The following POLQ variants were observed in gnomAD, a reference collection of about 807,000 sequenced individuals.
POLQ encodes epididymis secretory sperm binding protein.
In POLQ, 233 loss-of-function variants were observed where a neutral mutation model predicts 259.2. The observed-to-expected ratio is 0.90, with a 90% CI of 0.81 to 1.00. The LOEUF is 1.00. Among genes scored for constraint, POLQ ranks in the 50% least tolerant of loss-of-function variants. The pLI is 0.00. For missense variants in POLQ, 2,871 were observed against 3,051.6 expected (o/e 0.94, Z 1.39); for synonymous variants, 1,025 against 1,048.8 (o/e 0.98, Z 0.44).
At chr3:121,480,668 C>T (rs1381748477) in intron 19 of POLQ, among the ~76,000 whole-genome samples, 1 of 152,094 alleles carries the variant, frequency 6.6e-6, no homozygotes, top group Non-Finnish European at 1.5e-5. Flanking sequence ...CTTTCAAAAG[C>T]ACATTGAAAT....
intron 28 of POLQ, 40 bp from the exon 29 acceptor site, chr3:121,433,073 C>T: frequency 9.4e-7 from 1 of 1,067,002 alleles, no homozygotes; most frequent in South Asian, 1.3e-5. Flanking sequence ...CAGCATGTCG[C>T]TAAGTCATAG....
rs2108808682 is a variant in POLQ, at chr3:121,511,943, G to A, written c.1555C>T (p.Leu519=). ...QGSLKPVRSC[L]QRREGEEVTG... is the part of the protein sequence containing the mutation. Reference sequence around the variant, plus strand: ...ACTTCTTCTCCTTCTCGTCTTTGCAGACAGCTGCGAACAGGCTTTAGAGAA... The same window carrying A: ...ACTTCTTCTCCTTCTCGTCTTTGCAAACAGCTGCGAACAGGCTTTAGAGAA... Residue 519 remains leucine (L), a synonymous_variant, in exon 10 of 30, where the codon CTG becomes TTG. Coordinates refer to ENST00000264233, the MANE Select transcript of POLQ (RefSeq NM_199420.4). 6.2e-7 allele frequency: 1 copy of A among 1,613,894 alleles called. No individual in the cohort carries two copies. Among genetic ancestry groups the A allele is most frequent in the Non-Finnish European group, 8.5e-7 (1 of 1,179,760 alleles).
chr3:121,471,911 G>T, intron 22 of POLQ, 79 bp downstream of exon 22: 1 of 731,762 alleles, frequency 1.4e-6, no homozygotes, highest in Non-Finnish European at 2.1e-6. Flanking sequence ...TGAATTCTTG[G>T]CCATCATAAA....
chr3:121,447,029 TC>T (rs757133655), intron 26 of POLQ, among the ~76,000 whole-genome samples: 4 of 150,170 alleles, frequency 2.7e-5, no homozygotes, highest in Non-Finnish European at 5.9e-5. Context: ...TCTCTTTCTT[TC>T]CTTCATTCCT....
At chr3:121,455,664 C>T (rs574327969) in intron 25 of POLQ, among the ~76,000 whole-genome samples, 106 of 152,304 alleles carry the variant, frequency 7.0e-4, no homozygotes, top group Admixed American at 1.6e-3. Context: ...GACACACACA[C>T]GCTCCCAAGA....
At chr3:121,465,201 C>T (rs1295986389) in intron 24 of POLQ, among the ~76,000 whole-genome samples, 1 of 151,362 alleles carries the variant, frequency 6.6e-6, no homozygotes, top group East Asian at 1.9e-4. Flanking sequence ...ACATGATATT[C>T]CCACCACAGC....
At chr3:121,464,760 AG>A (rs2047821841) in intron 24 of POLQ, among the ~76,000 whole-genome samples, 1 of 152,222 alleles carries the variant, frequency 6.6e-6, no homozygotes, top group Admixed American at 6.5e-5. Context: ...TATGTCTATA[AG>A]ATGTATATGA....
Position 121,496,985 on chromosome 3 carries a change from G to A in POLQ, c.2154-53C>T, listed in dbSNP as rs916113281. On this transcript the variant is annotated intron_variant, in intron 13 of 29. Transcript: ENST00000264233. Reference sequence around the variant, plus strand: ...AAGAGATCCTTCACGTCTACTAGGCGATACAGTGTGTTGAAAAATGACTAA... The same window carrying A: ...AAGAGATCCTTCACGTCTACTAGGCAATACAGTGTGTTGAAAAATGACTAA... 1.8e-5 allele frequency: 28 copies of A among 1,583,570 alleles called. No homozygotes were observed. In the East Asian group the frequency reaches 2.7e-4, roughly 15 times the overall value.
intron 18 of POLQ, among the ~76,000 whole-genome samples, chr3:121,482,961 A>T (rs1433854689): frequency 1.3e-5 from 2 of 152,310 alleles, no homozygotes; most frequent in East Asian, 1.9e-4. Context: ...CCTCTATGCT[A>T]AATGGCCACT....
At chr3:121,532,257 G>T (rs1228465904) in intron 6 of POLQ, among the ~76,000 whole-genome samples, 1 of 143,228 alleles carries the variant, frequency 7.0e-6, no homozygotes, top group Non-Finnish European at 1.5e-5. Flanking sequence ...AGTATCAGAG[G>T]TAGATCTATC....
chr3:121,487,250 G>A (rs186541502), intron 16 of POLQ, 52 bp downstream of exon 16: 2 of 937,404 alleles, frequency 2.1e-6, no homozygotes, highest in Non-Finnish European at 3.1e-6. Flanking sequence ...TCTTATCTCA[G>A]TCTACTAAGT....
rs1208037658 is a variant in POLQ at position 121,487,411 on chromosome 3, G to C, written c.5520C>G (p.Phe1840Leu). The C allele has an allele frequency of 1.2e-6, 2 of 1,613,892 alleles. No homozygotes were observed. The highest frequency in any genetic ancestry group is 4.5e-5 in the East Asian group (2 of 44,868). Residue 1840 changes from phenylalanine to leucine, a missense_variant, in exon 16 of 30, where the codon TTC becomes TTG. Transcript: ENST00000264233. ...GCTTTTTGCACCGCCACTCCTTAAT[G>C]AATGTTTGGAAAAGATTTTGGTCAC... ...VASDQNLFQT[F>L]IKEWRCKKRF...
At chr3:121,483,052 G>T (rs2047983031) in intron 18 of POLQ, among the ~76,000 whole-genome samples, 1 of 152,052 alleles carries the variant, frequency 6.6e-6, no homozygotes, top group Admixed American at 6.6e-5. Flanking sequence ...AAGACCTCCT[G>T]CTATCATACA....
In POLQ at chr3:121,519,901, G is replaced by A. The variant is rs780757003; in HGVS notation, c.1438C>T (p.Arg480Cys). Residue 480 changes from arginine to cysteine, a missense_variant, in exon 9 of 30, where the codon CGT becomes TGT. Physicochemically the swap from Arg to Cys is radical, Grantham distance 180 (BLOSUM62 -3). Coordinates refer to ENST00000264233, the MANE Select transcript of POLQ (RefSeq NM_199420.4). ...GTGTCCACTCCTTTCCTGCCAGCACGGCCAACCATCTGCTTATAAGTAAGA... is the reference window on the plus strand; with the variant it reads ...GTGTCCACTCCTTTCCTGCCAGCACAGCCAACCATCTGCTTATAAGTAAGA... ...DILTYKQMVG[R>C]AGRKGVDTVG... 7 of 1,604,042 alleles carry A rather than the reference G, an allele frequency of 4.4e-6. No homozygotes were observed. Among genetic ancestry groups the A allele is most frequent in the Non-Finnish European group, 5.1e-6 (6 of 1,171,224 alleles).
chr3:121,451,444 G>A (rs2047675680), intron 25 of POLQ, among the ~76,000 whole-genome samples: 1 of 152,192 alleles, frequency 6.6e-6, no homozygotes, highest in Non-Finnish European at 1.5e-5. Context: ...CTTTGATGAT[G>A]GTGACGTACA....
chr3:121,457,111 C>T (rs1345701161), intron 25 of POLQ, among the ~76,000 whole-genome samples: 1 of 152,114 alleles, frequency 6.6e-6, no homozygotes, highest in Admixed American at 6.5e-5. Flanking sequence ...TTTGACAAAC[C>T]TGAGAAAAAC....
At chr3:121,445,418 T>C (rs537574033) in intron 26 of POLQ, among the ~76,000 whole-genome samples, 1 of 152,358 alleles carries the variant, frequency 6.6e-6, no homozygotes, top group East Asian at 1.9e-4. Context: ...TACTGGCATA[T>C]AGCTGCTCAT....
intron 14 of POLQ, chr3:121,495,009 C>T (rs1477034067): frequency 3.7e-5 from 22 of 596,288 alleles, no homozygotes; most frequent in East Asian, 2.5e-4. Context: ...CAGTGGCTCA[C>T]GCCTGTAATC....
chr3:121,455,612 G>A (rs568530442), intron 25 of POLQ, among the ~76,000 whole-genome samples: 66 of 151,942 alleles, frequency 4.3e-4, no homozygotes, highest in Non-Finnish European at 7.7e-4. Context: ...ACACCTCTAC[G>A]CAAATAAACT....
Sources: gnomAD v4.1 joint callset for allele counts (sites outside exome capture counted in the v4.1 genomes callset) on GRCh38, gnomAD v4.1.1 for gene constraint, MANE v1.5 for transcripts, NCBI Gene and HGNC (gene_info 2026-07-23, HGNC 2026-07-21) for gene names.